The following NUP93 variants were observed in gnomAD, a reference collection of about 807,000 sequenced individuals.
NUP93 encodes nucleoporin 93.
A neutral mutation model predicts 107.8 loss-of-function variants in NUP93; 55 were observed. The observed-to-expected ratio is 0.51, with a 90% confidence interval of 0.41 to 0.64. The LOEUF (loss-of-function observed/expected upper bound fraction) is 0.64. Ranked by LOEUF, NUP93 falls within the 30% of genes least tolerant of loss-of-function variation. The pLI, the probability that NUP93 is intolerant of heterozygous loss-of-function variation, is 0.00. For missense variants in NUP93, 937 were observed against 1,044.7 expected (o/e 0.90, Z 1.42); for synonymous variants, 390 against 397.5 (o/e 0.98, Z 0.22).
chr16:56,785,085 G>A (rs1962596618), intron 3 of NUP93, among the ~76,000 whole-genome samples: 1 of 152,200 alleles, frequency 6.6e-6, no homozygotes, highest in Non-Finnish European at 1.5e-5. Flanking sequence ...ATGGTAGAAT[G>A]CAAAGGGATT....
At chr16:56,830,785 A>G (rs1368046099) in intron 10 of NUP93, 100 bp downstream of exon 10, 6 of 1,155,944 alleles carry the variant, frequency 5.2e-6, no homozygotes, top group East Asian at 5.2e-5. Context: ...GCCCAAAACA[A>G]GTTTCTGCTT....
intron 7 of NUP93, among the ~76,000 whole-genome samples, chr16:56,822,604 A>G (rs540459008): frequency 8.9e-5 from 11 of 123,382 alleles, no homozygotes; most frequent in African/African-American, 3.5e-4. Flanking sequence ...GTTGTTGCCC[A>G]GGCTGAAGTG....
intron 3 of NUP93, among the ~76,000 whole-genome samples, chr16:56,759,363 C>G (rs1199162029): frequency 9.2e-5 from 14 of 152,180 alleles, no homozygotes. Context: ...GAGAGGATGC[C>G]TTCTGCAGAG....
rs749616430 is a variant in NUP93 at position 56,834,250 on chromosome 16, C to G, written c.1660C>G (p.Leu554Val). The change falls in exon 14 of 22, where the codon CTC becomes GTC. Residue 554 changes from leucine (L) to valine (V), a missense_variant. Leu to Val is a conservative substitution (Grantham distance 32, BLOSUM62 1). Coordinates refer to ENST00000308159, the MANE Select transcript of NUP93 (RefSeq NM_014669.5). ...GGAGGCCCTCCAGTACTTCTATTTC[C>G]TCAGGTAACATTTGCTTTTGACCAT... is the stretch of plus-strand genomic sequence containing the variant. Reference protein sequence around the residue: ...PREALQYFYFLRDEKDSQGEN... With the variant: ...PREALQYFYFVRDEKDSQGEN... The G allele has an allele frequency of 1.9e-6, 3 of 1,613,968 alleles. No individual in the cohort carries two copies. The highest frequency in any genetic ancestry group is 2.2e-5 in the South Asian group (2 of 91,090).
intron 7 of NUP93, among the ~76,000 whole-genome samples, chr16:56,822,481 C>A (rs1464434223): frequency 1.3e-5 from 2 of 150,548 alleles, no homozygotes; most frequent in Non-Finnish European, 3.0e-5. Context: ...CCAGTGTATT[C>A]CAGCCTGGGT....
chr16:56,823,511 C>T (rs1596842739), intron 7 of NUP93, among the ~76,000 whole-genome samples, 196 bp from the exon 8 acceptor site: 1 of 152,132 alleles, frequency 6.6e-6, no homozygotes. Flanking sequence ...GGGTGCTCAT[C>T]GGTGGATGGA....
At chr16:56,734,878 C>T (rs1298349196) in intron 1 of NUP93, among the ~76,000 whole-genome samples, 1 of 152,196 alleles carries the variant, frequency 6.6e-6, no homozygotes, top group Non-Finnish European at 1.5e-5. Context: ...ATACGGCCTT[C>T]CTCCCCCTAA....
At chr16:56,782,368 A>T (rs1262236018) in intron 3 of NUP93, 1 of 200,858 alleles carries the variant, frequency 5.0e-6, no homozygotes, top group Non-Finnish European at 8.9e-6. Context: ...TTGATAGAAG[A>T]AGTACTTGAT....
At chr16:56,789,717 G>A (rs536912555) in intron 3 of NUP93, among the ~76,000 whole-genome samples, 48 of 152,336 alleles carry the variant, frequency 3.2e-4, no homozygotes, top group African/African-American at 9.9e-4. Context: ...AGCTCTGCCC[G>A]CTTAGCACTG....
rs1179842622 is a variant in NUP93 at position 56,832,349 on chromosome 16, A to G, written c.1306A>G (p.Thr436Ala). Residue 436 changes from threonine to alanine, a missense_variant, in exon 12 of 22, where the codon ACT (threonine) becomes GCT (alanine). Transcript: ENST00000308159. ...CACCAGCTCCCCACAAGACAGGCTCACTCTCTCACAGTTCCAGAAGCAGTT... is the reference window on the plus strand; with the variant it reads ...CACCAGCTCCCCACAAGACAGGCTCGCTCTCTCACAGTTCCAGAAGCAGTT... The part of the protein sequence containing the change: ...DGTSSPQDRL[T>A]LSQFQKQLLE... The G allele has an allele frequency of 1.9e-6, 3 of 1,614,056 alleles. No individual in the cohort carries two copies. The highest frequency in any genetic ancestry group is 2.5e-6 in the Non-Finnish European group (3 of 1,179,954).
intron 3 of NUP93, among the ~76,000 whole-genome samples, chr16:56,761,972 T>C (rs765780687): frequency 2.0e-5 from 3 of 152,216 alleles, no homozygotes; most frequent in African/African-American, 7.2e-5. Context: ...GGGATGATAC[T>C]AGTAGAATTT....
rs573467287 is a variant in NUP93 at position 56,748,399 on chromosome 16, C to T, written c.152C>T (p.Thr51Met). Residue 51 changes from threonine (T) to methionine (M), a missense_variant, in exon 2 of 22, where the codon ACG becomes ATG. Physicochemically the swap from Thr to Met is moderately conservative, Grantham distance 81. Transcript: ENST00000308159. Reference sequence around the variant, plus strand: ...CTGCGTTCCCGTACCCTAACACGCACGTCCCAGGAGACGGCAGATGTCAAG... The same window carrying T: ...CTGCGTTCCCGTACCCTAACACGCATGTCCCAGGAGACGGCAGATGTCAAG... ...ERLRSRTLTR[T>M]SQETADVKAS... 9 of 1,613,618 alleles carry T rather than the reference C, an allele frequency of 5.6e-6. No individual in the cohort carries two copies. In the East Asian group the frequency reaches 6.7e-5, roughly 12 times the overall value.
intron 2 of NUP93, among the ~76,000 whole-genome samples, chr16:56,750,106 G>A (rs1169790602): frequency 1.3e-5 from 2 of 152,198 alleles, no homozygotes; most frequent in Admixed American, 6.5e-5. Context: ...CCTATTAAGA[G>A]CAAAAAGGGA....
At chr16:56,809,489 G>A (rs1244522098) in intron 5 of NUP93, among the ~76,000 whole-genome samples, 1 of 152,124 alleles carries the variant, frequency 6.6e-6, no homozygotes. Flanking sequence ...GGTGTTTTCA[G>A]GTAATATCAT....
chr16:56,804,358 G>GGA (rs1963086777), intron 4 of NUP93, among the ~76,000 whole-genome samples: 1 of 152,198 alleles, frequency 6.6e-6, no homozygotes, highest in Non-Finnish European at 1.5e-5. Flanking sequence ...TATTCATACA[G>GGA]TGGAATATTT....
At position 56,758,610 on chromosome 16, in the gene NUP93, C is replaced by T. The variant is rs575750196; in HGVS notation, c.252C>T (p.Ala84=). The T allele has an allele frequency of 6.4e-5, 103 of 1,613,752 alleles. No individual in the cohort carries two copies. In the Middle Eastern group the frequency reaches 9.9e-4, roughly 15 times the overall value. ...ISQRLESLSA[A]TTFEPLEPVK... ...AGCGATTGGAGAGTCTGAGTGCAGCCACCACCTTTGAGCCTCTTGAGCCTG... is the reference window on the plus strand; with the variant it reads ...AGCGATTGGAGAGTCTGAGTGCAGCTACCACCTTTGAGCCTCTTGAGCCTG... Residue 84 remains alanine, a synonymous_variant, in exon 3 of 22, where the codon GCC becomes GCT. Transcript: ENST00000308159.
chr16:56,748,200 T>C (rs377316548), intron 1 of NUP93, 34 bp from the exon 2 acceptor site: 292 of 1,451,342 alleles, frequency 2.0e-4, no homozygotes, highest in Non-Finnish European at 2.6e-4. Context: ...GTCTTTCCCT[T>C]GATTTAGATC....
chr16:56,844,523 C>G lies in NUP93; in HGVS notation c.2374C>G (p.Leu792Val). 1.3e-6 allele frequency: 2 copies of G among 1,525,462 alleles called. No homozygotes were observed. The highest frequency in any genetic ancestry group is 8.8e-7 in the Non-Finnish European group (1 of 1,134,972). The allele number at this position is 1,525,462 out of a possible 1,614,324, so 94.5% of individuals were successfully genotyped here. ...GCAACTCCGAAGTCAAGCCCGCACT[C>G]TGATTACCTTTGCTGGAATGATACC... The part of the protein sequence containing the change: ...DSQLRSQART[L>V]ITFAGMIPYR... Residue 792 changes from leucine to valine, a missense_variant, in exon 22 of 22, where the codon CTG (leucine) becomes GTG (valine). Transcript: ENST00000308159.
chr16:56,789,158 G>A (rs572739654), intron 3 of NUP93, among the ~76,000 whole-genome samples: 1 of 152,270 alleles, frequency 6.6e-6, no homozygotes, highest in South Asian at 2.1e-4. Context: ...TATCACAGCT[G>A]TAATGGCATG....
Sources: allele counts gnomAD v4.1 joint callset (sites outside exome capture counted in the v4.1 genomes callset), GRCh38; gene constraint gnomAD v4.1.1; transcripts MANE v1.5; gene names NCBI Gene and HGNC (gene_info 2026-07-23, HGNC 2026-07-21).